TTC13: variants seen among roughly 807,000 people sequenced by gnomAD.
TTC13 encodes the protein tetratricopeptide repeat domain 13, also known as tetratricopeptide repeat protein 13.
Under a neutral mutation model 120.0 loss-of-function variants are expected in TTC13, and 62 were observed. The observed-to-expected ratio is 0.52, with a 90% confidence interval of 0.42 to 0.64. TTC13 has a LOEUF of 0.64. Ranked by LOEUF, TTC13 falls within the 30% of genes least tolerant of loss-of-function variation. TTC13 has a pLI of 0.00. For missense variants in TTC13, 824 were observed against 1,050.2 expected (o/e 0.78, Z 2.98); for synonymous variants, 384 against 393.5 (o/e 0.98, Z 0.28).
intron 2 of TTC13, among the ~76,000 whole-genome samples, chr1:230,960,015 T>G (rs2102961580): frequency 6.6e-6 from 1 of 152,366 alleles, no homozygotes; most frequent in East Asian, 1.9e-4. Flanking sequence ...CAACGCTATC[T>G]GGCTTGCTGC....
chr1:230,916,941 A>G (rs952628194), intron 17 of TTC13, among the ~76,000 whole-genome samples: 11 of 152,240 alleles, frequency 7.2e-5, no homozygotes, highest in Middle Eastern at 3.2e-3. Context: ...ATGGCAATAA[A>G]TAGGTTTCAG....
rs1474976307 is a variant in TTC13, at chr1:230,978,426, G to A, written c.271+134C>T. On this transcript the variant is annotated intron_variant, in intron 1 of 22. Transcript: ENST00000366661. The surrounding 1 kb of genome is among the most constrained non-coding windows in gnomAD (Gnocchi z 5.6). ...GGGAAGCTGCCCGCCAGGACCCCTG[G>A]CCGAGCCGGCTCCCGCGGATCGCGC... The A allele has an allele frequency of 4.7e-6, 1 of 213,772 alleles. No individual in the cohort carries two copies. Among genetic ancestry groups the A allele is most frequent in the Non-Finnish European group, 9.1e-6 (1 of 110,240 alleles). 13.2% of individuals were successfully genotyped at this position (213,772 alleles called of 1,614,324 possible).
chr1:230,948,801 C>T (rs964481403), intron 4 of TTC13, among the ~76,000 whole-genome samples: 3 of 151,998 alleles, frequency 2.0e-5, no homozygotes, highest in Non-Finnish European at 4.4e-5. Context: ...CACTTCATAC[C>T]CTAGAAATCA....
At chr1:230,912,868 T>A (rs1671658394) in intron 18 of TTC13, 110 bp from the exon 19 acceptor site, 1 of 910,110 alleles carries the variant, frequency 1.1e-6, no homozygotes, top group Non-Finnish European at 1.7e-6. Context: ...ACTAAACATA[T>A]ACAAGAATGT....
chr1:230,950,112 A>G (rs1675432187), intron 4 of TTC13, among the ~76,000 whole-genome samples: 1 of 152,142 alleles, frequency 6.6e-6, no homozygotes, highest in African/African-American at 2.4e-5. Flanking sequence ...TTTATCTATC[A>G]TTAGCTAAAA....
intron 11 of TTC13, among the ~76,000 whole-genome samples, chr1:230,930,484 A>G (rs935956899): frequency 6.6e-6 from 1 of 152,238 alleles, no homozygotes; most frequent in African/African-American, 2.4e-5. Flanking sequence ...CTTCAGAGAC[A>G]GGAGATAAAA....
chr1:230,936,601 A>C, intron 8 of TTC13: 1 of 190,808 alleles, frequency 5.2e-6, no homozygotes, highest in East Asian at 1.3e-4. Flanking sequence ...GAAGATCCAA[A>C]ATGCCTGATA....
intron 1 of TTC13, among the ~76,000 whole-genome samples, chr1:230,972,370 T>C (rs970350394): frequency 6.6e-6 from 1 of 152,236 alleles, no homozygotes; most frequent in African/African-American, 2.4e-5. Flanking sequence ...CCTGTATATA[T>C]GTTGTATTTT....
intron 14 of TTC13, among the ~76,000 whole-genome samples, chr1:230,924,285 T>C (rs1672848198): frequency 6.6e-6 from 1 of 152,244 alleles, no homozygotes. Flanking sequence ...AGACTGTTTC[T>C]AAAATGCTTC....
At position 230,924,889 on chromosome 1, in the gene TTC13, C is replaced by G; in HGVS notation, c.1673G>C (p.Arg558Pro). The G allele has an allele frequency of 2.5e-6, 4 of 1,614,222 alleles. No individual in the cohort carries two copies. Among genetic ancestry groups the G allele is most frequent in the Non-Finnish European group, 3.4e-6 (4 of 1,180,038 alleles). Residue 558 changes from arginine to proline, a missense_variant, in exon 14 of 23, where the codon CGG becomes CCG. By Grantham distance (103) the Arg-to-Pro change is moderately radical. Around this residue, in one of 4 missense-constraint regions of TTC13, gnomAD observed 430 missense variants for 626.8 expected, o/e 0.69. Transcript: ENST00000366661. ...AAACATGTCTCTCCACTGCATCAAC[C>G]GTGTCTTCCCATTCATTCGAACTTT... ...NSKVRMNGKTRLMQWRDMFDI... is the reference protein window; with the variant it reads ...NSKVRMNGKTPLMQWRDMFDI...
At chr1:230,933,067 G>A (rs1261920850) in intron 9 of TTC13, among the ~76,000 whole-genome samples, 1 of 152,104 alleles carries the variant, frequency 6.6e-6, no homozygotes, top group Admixed American at 6.6e-5. Context: ...CTGACTCCCG[G>A]GTTCAAGCGA....
chr1:230,918,179 T>C (rs1196575451), intron 17 of TTC13, among the ~76,000 whole-genome samples: 1 of 152,244 alleles, frequency 6.6e-6, no homozygotes, highest in Non-Finnish European at 1.5e-5. Flanking sequence ...ATTTATTATA[T>C]AGTTTTCATA....
At position 230,917,684 on chromosome 1, in the gene TTC13, C is replaced by T. The variant is rs370363397; in HGVS notation, c.1984-1382G>A. Among the ~76,000 whole-genome samples the T allele has an allele frequency of 5.9e-5, 9 of 152,150 alleles. No homozygotes were observed. In the East Asian group the frequency reaches 9.7e-4, roughly 16 times the overall value. On this transcript the variant is annotated intron_variant, in intron 17 of 22. Transcript: ENST00000366661. ...CAGACAACAGTTGGTGATTTCACAC[C>T]GAGAGGCACACTGAGGCTGGCGATG...
In TTC13 at chr1:230,920,547, T is replaced by G; in HGVS notation, c.1946A>C (p.Lys649Thr). The G allele has an allele frequency of 6.2e-7, 1 of 1,603,022 alleles. No individual in the cohort carries two copies. The highest frequency in any genetic ancestry group is 8.5e-7 in the Non-Finnish European group (1 of 1,175,442). ...AAGAAGGTCTTCTACTTTGTGTACC[T>G]TTTCCAGGGCTTCCCGAACTTCCAG... Reference protein sequence around the residue: ...GLLEVREALEKVHKVEDLLPI... With the variant: ...GLLEVREALETVHKVEDLLPI... Residue 649 changes from lysine (K) to threonine (T), a missense_variant, in exon 17 of 23, where the codon AAG becomes ACG. By Grantham distance (78) the Lys-to-Thr change is moderately conservative. Coordinates refer to ENST00000366661, the MANE Select transcript of TTC13 (RefSeq NM_024525.5).
intron 1 of TTC13, among the ~76,000 whole-genome samples, chr1:230,965,148 C>T (rs1375493300): frequency 2.0e-5 from 3 of 152,162 alleles, no homozygotes; most frequent in Non-Finnish European, 2.9e-5. Context: ...AGTTGAAAAG[C>T]TTCCCCACAG....
chr1:230,949,258 T>C lies in TTC13; in HGVS notation c.514-3804A>G, dbSNP rs546440926. ...AGCAGGACAACATGGCTAATAATAGTGGGGTGCAGGTCAATGGAAAACAAG... is the reference window on the plus strand; with the variant it reads ...AGCAGGACAACATGGCTAATAATAGCGGGGTGCAGGTCAATGGAAAACAAG... On this transcript the variant is annotated intron_variant, in intron 4 of 22. Coordinates refer to ENST00000366661, the MANE Select transcript of TTC13 (RefSeq NM_024525.5). Among the ~76,000 whole-genome samples, 14 of 382 alleles carry C rather than the reference T, an allele frequency of 0.037. No homozygotes were observed. The South Asian group carries it at 0.38, about 10-fold the overall frequency. 0.3% of individuals were successfully genotyped at this position (382 alleles called of 152,430 possible).
rs112066992 is a variant in TTC13 at position 230,944,067 on chromosome 1, A to G, written c.580-169T>C. Among the ~76,000 whole-genome samples, 50 of 152,366 alleles carry G rather than the reference A, an allele frequency of 3.3e-4. 1 individual carries two copies. The highest frequency in any genetic ancestry group is 1.2e-3 in the African/African-American group (49 of 41,586). On this transcript the variant is annotated intron_variant, in intron 5 of 22. Coordinates refer to ENST00000366661, the MANE Select transcript of TTC13 (RefSeq NM_024525.5). The surrounding 1 kb of genome is among the most constrained non-coding windows in gnomAD (Gnocchi z 4.0). ...GCCATGTCAAATCAGTCATGATATT[A>G]TAATTATTTAACTCACTCAAGTCTA... is the stretch of plus-strand genomic sequence containing the variant.
chr1:230,947,609 G>A (rs1183572829), intron 4 of TTC13, among the ~76,000 whole-genome samples: 2 of 152,074 alleles, frequency 1.3e-5, no homozygotes, highest in African/African-American at 2.4e-5. Context: ...ACAAAGCTGT[G>A]TTGAGCCACA....
In TTC13 at chr1:230,942,838, C is replaced by A. The variant is rs1476630926; in HGVS notation, c.672+968G>T. Among the ~76,000 whole-genome samples, 1 of 152,202 alleles carries A rather than the reference C, an allele frequency of 6.6e-6. No individual in the cohort carries two copies. Among genetic ancestry groups the A allele is most frequent in the Non-Finnish European group, 1.5e-5 (1 of 68,020 alleles). On this transcript the variant is annotated intron_variant, in intron 6 of 22. Transcript: ENST00000366661. The surrounding 1 kb of genome is among the most constrained non-coding windows in gnomAD (Gnocchi z 4.0). Reference sequence around the variant, plus strand: ...TCAGCTCTAGCCTCGCTTCCTCCGACAGCCTCAGCAAACACTCCCAACATT... The same window carrying A: ...TCAGCTCTAGCCTCGCTTCCTCCGAAAGCCTCAGCAAACACTCCCAACATT...
Sources: gnomAD v4.1 joint callset for allele counts (sites outside exome capture counted in the v4.1 genomes callset) on GRCh38, gnomAD v4.1.1 for gene constraint, gnomAD v4.1.1 regional missense constraint, Gnocchi (gnomAD v3.1) non-coding constraint, MANE v1.5 for transcripts, NCBI Gene and HGNC (gene_info 2026-07-23, HGNC 2026-07-21) for gene names.